The following SYN2 variants were observed in gnomAD, a reference collection of about 807,000 sequenced individuals.
The protein encoded by SYN2 is synapsin II.
A neutral mutation model predicts 50.9 loss-of-function variants in SYN2; 19 were observed. The ratio of observed to expected loss-of-function variants is 0.37; its 90% CI spans 0.26 to 0.55. The LOEUF (loss-of-function observed/expected upper bound fraction) is 0.55. Among genes scored for constraint, SYN2 ranks in the 20% least tolerant of loss-of-function variants. SYN2 has a pLI of 0.81. For synonymous variants in SYN2, 255 were observed against 224.9 expected, an observed-to-expected ratio of 1.13 and a Z score of -1.20; for missense variants, 587 against 576.4, an observed-to-expected ratio of 1.02 and a Z score of -0.19.
chr3:12,040,182 T>C (rs1694580824), intron 1 of SYN2, among the ~76,000 whole-genome samples: 1 of 152,188 alleles, frequency 6.6e-6, no homozygotes, highest in South Asian at 2.1e-4. Context: ...TGAGGATTTG[T>C]CTTCCCAAAG....
At chr3:12,130,156 ATATATGTGTGTGTGAGTATACATAGG>A (rs1418941969) in intron 1 of SYN2, among the ~76,000 whole-genome samples, 2 of 151,620 alleles carry the variant, frequency 1.3e-5, no homozygotes, top group Admixed American at 6.6e-5. Context: ...GTGTACATAT[ATATATGTGTGTGTGAGTATACATAGG>A]TATATGTGTG....
intron 10 of SYN2, among the ~76,000 whole-genome samples, chr3:12,172,473 T>A (rs1697958109): frequency 6.6e-6 from 1 of 152,168 alleles, no homozygotes; most frequent in Admixed American, 6.5e-5. Context: ...CGGATACAGA[T>A]CAAAACTAAG....
At chr3:12,153,574 T>A (rs1178821414) in intron 5 of SYN2, 1 of 1,614,122 alleles carries the variant, frequency 6.2e-7, no homozygotes, top group South Asian at 1.1e-5. Context: ...CGGTACCAGC[T>A]GCAGGTGCCG....
chr3:12,116,068 G>A (rs907474393), intron 1 of SYN2, among the ~76,000 whole-genome samples: 2 of 152,166 alleles, frequency 1.3e-5, no homozygotes, highest in African/African-American at 4.8e-5. Flanking sequence ...GCCCAGAAAA[G>A]ATAGGCACCA....
intron 10 of SYN2, among the ~76,000 whole-genome samples, chr3:12,175,915 C>T (rs1465481582): frequency 6.6e-6 from 1 of 152,240 alleles, no homozygotes; most frequent in Non-Finnish European, 1.5e-5. Flanking sequence ...TGGTTGATGA[C>T]AGCTTGGCCT....
rs1242319941 is a variant in SYN2 at position 12,191,146 on chromosome 3, A to T, written c.*521A>T. The T allele has an allele frequency of 3.0e-6, 3 of 985,352 alleles. No individual in the cohort carries two copies. The African/African-American group carries it at 5.2e-5, about 17-fold the overall frequency. 61.0% of individuals were successfully genotyped at this position (985,352 alleles called of 1,614,324 possible). A position where few individuals can be genotyped will look rare whatever the true frequency, so the allele number is the denominator to read the frequency against. On this transcript the variant is annotated 3_prime_UTR_variant, in exon 13 of 13. Transcript: ENST00000621198. Reference sequence around the variant, plus strand: ...CTGTGTTACTGTTTAAAGCACACCCACCCAACTTACAAGATCTTAGGCTGC... The same window carrying T: ...CTGTGTTACTGTTTAAAGCACACCCTCCCAACTTACAAGATCTTAGGCTGC...
intron 1 of SYN2, among the ~76,000 whole-genome samples, chr3:12,084,876 C>G (rs1006118490): frequency 2.0e-5 from 3 of 151,932 alleles, no homozygotes; most frequent in Non-Finnish European, 4.4e-5. Flanking sequence ...GAGGCAAAAA[C>G]CCCTAGTAGA....
At chr3:12,091,488 C>T (rs751690211) in intron 1 of SYN2, among the ~76,000 whole-genome samples, 47 of 152,164 alleles carry the variant, frequency 3.1e-4, no homozygotes, top group Non-Finnish European at 6.5e-4. Context: ...TAAAAGGTAA[C>T]AGATCCTCAC....
Position 12,187,410 on chromosome 3 carries a change from G to A in SYN2, c.1411G>A (p.Val471Met). The A allele has an allele frequency of 6.4e-7, 1 of 1,551,360 alleles. No individual in the cohort carries two copies. The highest frequency in any genetic ancestry group is 8.7e-7 in the Non-Finnish European group (1 of 1,146,548). Reference sequence around the variant, plus strand: ...CCAAGGAATGCAGCCCCCAGGCAAGGTGCTGCCTCCACGCCGGCTCCCCCC... The same window carrying A: ...CCAAGGAATGCAGCCCCCAGGCAAGATGCTGCCTCCACGCCGGCTCCCCCC... ...QPQGMQPPGK[V>M]LPPRRLPPGP... Residue 471 changes from valine to methionine, a missense_variant, in exon 12 of 13, where the codon GTG becomes ATG. Coordinates refer to ENST00000621198, the MANE Select transcript of SYN2 (RefSeq NM_133625.6).
chr3:12,017,505 G>C (rs530790263), intron 1 of SYN2, among the ~76,000 whole-genome samples: 1 of 152,276 alleles, frequency 6.6e-6, no homozygotes, highest in African/African-American at 2.4e-5. Context: ...CCTTTCCACT[G>C]AACACCTTGG....
intron 10 of SYN2, among the ~76,000 whole-genome samples, chr3:12,173,964 T>G (rs184898259): frequency 3.5e-4 from 53 of 152,270 alleles, no homozygotes; most frequent in African/African-American, 1.2e-3. Context: ...TGTTCTTATC[T>G]TACAGACTTT....
chr3:12,050,096 T>C (rs375422974), intron 1 of SYN2, among the ~76,000 whole-genome samples: 15 of 152,142 alleles, frequency 9.9e-5, no homozygotes, highest in Middle Eastern at 3.4e-3. Context: ...AGACAGGGTT[T>C]CACTATGTTG....
intron 1 of SYN2, among the ~76,000 whole-genome samples, chr3:12,028,829 C>G (rs1342155754): frequency 7.7e-5 from 11 of 143,520 alleles, no homozygotes; most frequent in Non-Finnish European, 1.7e-4. Flanking sequence ...TGTAGGTTGC[C>G]TGTTCACTCT....
chr3:12,063,697 T>C (rs191571273), intron 1 of SYN2, among the ~76,000 whole-genome samples: 204 of 152,154 alleles, frequency 1.3e-3, no homozygotes, highest in African/African-American at 4.6e-3. Flanking sequence ...AAGGGGGCTG[T>C]GTCAAAAGAG....
intron 6 of SYN2, 138 bp downstream of exon 6, chr3:12,161,746 C>G (rs1697654488): frequency 9.0e-7 from 1 of 1,117,128 alleles, no homozygotes; most frequent in Non-Finnish European, 1.3e-6. Flanking sequence ...ACCTCTAAAG[C>G]CATGAGTGTC....
chr3:12,103,820 A>G (rs1419042087), intron 1 of SYN2, among the ~76,000 whole-genome samples: 1 of 152,244 alleles, frequency 6.6e-6, no homozygotes, highest in East Asian at 1.9e-4. Context: ...GTGGCCAGGA[A>G]AAGAAAGAAG....
At chr3:12,158,929 C>T (rs990678396) in intron 5 of SYN2, 139 of 1,423,808 alleles carry the variant, frequency 9.8e-5, no homozygotes, top group Middle Eastern at 7.7e-4. Context: ...GTGCCCCTCG[C>T]CCCAGGCTTT....
intron 4 of SYN2, among the ~76,000 whole-genome samples, chr3:12,146,790 G>T (rs1697159426): frequency 6.6e-6 from 1 of 152,250 alleles, no homozygotes; most frequent in South Asian, 2.1e-4. Flanking sequence ...GGGCACTCTG[G>T]CTTCCCCTCC....
intron 1 of SYN2, among the ~76,000 whole-genome samples, chr3:12,082,214 T>G (rs1162592364): frequency 6.6e-6 from 1 of 152,224 alleles, no homozygotes; most frequent in South Asian, 2.1e-4. Flanking sequence ...TAATTCCTCC[T>G]AAGTTGTGAC....
Sources: gnomAD v4.1 joint callset for allele counts (sites outside exome capture counted in the v4.1 genomes callset) on GRCh38, gnomAD v4.1.1 for gene constraint, MANE v1.5 for transcripts, NCBI Gene and HGNC (gene_info 2026-07-23, HGNC 2026-07-21) for gene names.